Variants in TENM2 observed in about 807,000 individuals in gnomAD.
TENM2 encodes the protein teneurin-2.
Under a neutral mutation model 245.2 loss-of-function variants are expected in TENM2, and 52 were observed. The ratio of observed to expected loss-of-function variants is 0.21; its 90% CI spans 0.17 to 0.27. The LOEUF (loss-of-function observed/expected upper bound fraction) is 0.27. Ranked by LOEUF, TENM2 falls within the 10% of genes least tolerant of loss-of-function variation. The probability of loss-of-function intolerance (pLI) is 1.00; values close to 1 mark genes in which losing one functional copy is unlikely to be tolerated. For missense variants in TENM2, 3,046 were observed against 3,666.8 expected, an observed-to-expected ratio of 0.83 and a Z score of 4.37; for synonymous variants, 1,363 against 1,438.9, an observed-to-expected ratio of 0.95 and a Z score of 1.19.
chr5:168,124,675 T>C (rs1795713545), intron 10 of TENM2, among the ~76,000 whole-genome samples, 175 bp from the exon 13 acceptor site: 1 of 152,218 alleles, frequency 6.6e-6, no homozygotes, highest in Non-Finnish European at 1.5e-5. Flanking sequence ...CTTTTACTTT[T>C]TATGGGTGTC....
At chr5:167,828,836 T>A (rs967367783) in intron 2 of TENM2, among the ~76,000 whole-genome samples, 4 of 152,156 alleles carry the variant, frequency 2.6e-5, no homozygotes, top group Admixed American at 1.3e-4. Flanking sequence ...AATTGATGAT[T>A]AAAGATAACT....
At chr5:167,724,662 T>A (rs539207876) in intron 2 of TENM2, among the ~76,000 whole-genome samples, 1 of 152,200 alleles carries the variant, frequency 6.6e-6, no homozygotes, top group East Asian at 1.9e-4. Context: ...CCACTTCAGG[T>A]TGAGTTATCA....
intron 3 of TENM2, among the ~76,000 whole-genome samples, chr5:167,944,367 A>G (rs1252067583): frequency 1.3e-5 from 2 of 151,652 alleles, no homozygotes; most frequent in African/African-American, 4.9e-5. Flanking sequence ...CACATGTGCA[A>G]CTCGTTCTCA....
intron 4 of TENM2, among the ~76,000 whole-genome samples, chr5:167,964,050 T>C (rs773093813): frequency 7.2e-5 from 11 of 152,226 alleles, no homozygotes; most frequent in Non-Finnish European, 1.5e-4. Flanking sequence ...AGTAGTGTGT[T>C]ACAGAATCCC....
intron 2 of TENM2, among the ~76,000 whole-genome samples, chr5:167,518,123 T>C (rs984231843): frequency 6.6e-6 from 1 of 151,660 alleles, no homozygotes; most frequent in African/African-American, 2.4e-5. Context: ...ATGGTATCAT[T>C]GCACTCCAGC....
chr5:167,508,077 C>G (rs893541789), intron 2 of TENM2, among the ~76,000 whole-genome samples: 2 of 152,126 alleles, frequency 1.3e-5, no homozygotes, highest in Non-Finnish European at 2.9e-5. Context: ...AAACGAAAGG[C>G]AGATGTAATG....
chr5:167,065,908 C>G, the TENM2 span, among the ~76,000 whole-genome samples: 1 of 152,182 alleles, frequency 6.6e-6, no homozygotes, highest in African/African-American at 2.4e-5. Flanking sequence ...TGTACTGTAT[C>G]GCTTTCAGTG....
chr5:167,900,004 C>T (rs769038908), intron 3 of TENM2, among the ~76,000 whole-genome samples: 26 of 151,036 alleles, frequency 1.7e-4, no homozygotes, highest in Non-Finnish European at 2.8e-4. Flanking sequence ...AGTGTGGCAG[C>T]TCAGAGCACA....
chr5:167,900,707 A>G (rs897649905), intron 3 of TENM2, among the ~76,000 whole-genome samples: 2 of 152,200 alleles, frequency 1.3e-5, no homozygotes, highest in African/African-American at 4.8e-5. Context: ...GCGTTGGTTA[A>G]TAACCACCTA....
chr5:167,273,686 A>C, the TENM2 span, among the ~76,000 whole-genome samples: 1 of 152,142 alleles, frequency 6.6e-6, no homozygotes, highest in African/African-American at 2.4e-5. Flanking sequence ...CCTTTATACC[A>C]AAACTCACAA....
chr5:167,885,043 C>T (rs948419580), intron 3 of TENM2, among the ~76,000 whole-genome samples: 1 of 152,232 alleles, frequency 6.6e-6, no homozygotes, highest in African/African-American at 2.4e-5. Context: ...TTTATATCTT[C>T]TTTGAAGAAA....
intron 2 of TENM2, among the ~76,000 whole-genome samples, chr5:167,492,939 C>G (rs1427353206): frequency 1.3e-5 from 2 of 152,154 alleles, no homozygotes; most frequent in Admixed American, 1.3e-4. Flanking sequence ...TAAGGATTTC[C>G]AAGCAGAAGC....
chr5:167,201,045 C>A, the TENM2 span, among the ~76,000 whole-genome samples: 38 of 152,236 alleles, frequency 2.5e-4, no homozygotes, highest in African/African-American at 8.9e-4. Flanking sequence ...AACCTGCCTG[C>A]CAACTTCATG....
intron 2 of TENM2, among the ~76,000 whole-genome samples, chr5:167,598,714 T>C (rs1448340709): frequency 6.6e-6 from 1 of 152,164 alleles, no homozygotes; most frequent in African/African-American, 2.4e-5. Context: ...TCACTAGTAT[T>C]TTAACTTAAA....
chr5:167,437,254 G>A (rs1764617094), intron 2 of TENM2, among the ~76,000 whole-genome samples: 1 of 152,170 alleles, frequency 6.6e-6, no homozygotes, highest in Admixed American at 6.5e-5. Context: ...TGCGAGACTT[G>A]GAATCAAAGG....
intron 2 of TENM2, among the ~76,000 whole-genome samples, chr5:167,566,106 C>T (rs1773890499): frequency 6.6e-6 from 1 of 151,756 alleles, no homozygotes. Flanking sequence ...TCATTGAGAT[C>T]CCTACTTTCA....
the TENM2 span, among the ~76,000 whole-genome samples, chr5:167,041,876 C>T: frequency 6.6e-6 from 1 of 152,242 alleles, no homozygotes; most frequent in African/African-American, 2.4e-5. Flanking sequence ...GGTAATTAGT[C>T]TGAGCCCAAA....
At chr5:167,782,023 A>G (rs550317876) in intron 2 of TENM2, among the ~76,000 whole-genome samples, 2 of 150,168 alleles carry the variant, frequency 1.3e-5, no homozygotes, top group Admixed American at 6.6e-5. Flanking sequence ...AAATAAAAAA[A>G]TAAAAATAGG....
chr5:167,126,443 T>C, the TENM2 span, among the ~76,000 whole-genome samples: 1 of 152,136 alleles, frequency 6.6e-6, no homozygotes, highest in Non-Finnish European at 1.5e-5. Flanking sequence ...TGTGACTTAT[T>C]TTCTCCCTCT....
Sources: gnomAD v4.1 joint callset for allele counts (sites outside exome capture counted in the v4.1 genomes callset) on GRCh38, gnomAD v4.1.1 for gene constraint, MANE v1.5 for transcripts, NCBI Gene and HGNC (gene_info 2026-07-23, HGNC 2026-07-21) for gene names.